The following CCSER2 variants were observed in gnomAD, a reference collection of about 807,000 sequenced individuals.
CCSER2 encodes the protein coiled-coil serine rich protein 2, also known as serine-rich coiled-coil domain-containing protein 2.
A neutral mutation model predicts 92.3 loss-of-function variants in CCSER2; 46 were observed. The ratio of observed to expected loss-of-function variants is 0.50; its 90% CI spans 0.39 to 0.64. The LOEUF (loss-of-function observed/expected upper bound fraction) is 0.64, where lower values mean the gene tolerates loss of function less well. Ranked by LOEUF, CCSER2 falls within the 30% of genes least tolerant of loss-of-function variation. The probability of loss-of-function intolerance (pLI) is 0.00; values close to 1 mark genes in which losing one functional copy is unlikely to be tolerated. For missense variants in CCSER2, 1,244 were observed against 1,238.9 expected (o/e 1.00, Z -0.06); for synonymous variants, 433 against 431.4 (o/e 1.00, Z -0.04).
chr10:84,414,538 C>A (rs1336846160), intron 3 of CCSER2, among the ~76,000 whole-genome samples: 1 of 151,976 alleles, frequency 6.6e-6, no homozygotes, highest in African/African-American at 2.4e-5. Flanking sequence ...GATTGGCTTT[C>A]CTTTGTAGAT....
chr10:84,383,013 G>C (rs978450604), intron 3 of CCSER2, among the ~76,000 whole-genome samples: 1 of 152,170 alleles, frequency 6.6e-6, no homozygotes, highest in African/African-American at 2.4e-5. Flanking sequence ...GATACAGCTA[G>C]ACTTTATTGA....
intron 4 of CCSER2, among the ~76,000 whole-genome samples, chr10:84,420,597 T>G (rs1843090902): frequency 6.6e-6 from 1 of 152,066 alleles, no homozygotes; most frequent in Non-Finnish European, 1.5e-5. Context: ...TTTTAGTCCT[T>G]TATAGCTTCT....
chr10:84,370,994 C>A lies in CCSER2; in HGVS notation c.-39-20C>A. On this transcript the variant is annotated intron_variant, in intron 1 of 9. Transcript: ENST00000372088. Reference sequence around the variant, plus strand: ...TCCTTATTTAGGAATGTTTAATGTACTTCTTTTTTCTCTTCACAGATTCTT... The same window carrying A: ...TCCTTATTTAGGAATGTTTAATGTAATTCTTTTTTCTCTTCACAGATTCTT... The A allele has an allele frequency of 1.8e-6, 2 of 1,083,980 alleles. No individual in the cohort carries two copies. Among genetic ancestry groups the A allele is most frequent in the Non-Finnish European group, 2.6e-6 (2 of 765,284 alleles). 67.1% of individuals were successfully genotyped at this position (1,083,980 alleles called of 1,614,324 possible). A position where few individuals can be genotyped will look rare whatever the true frequency, so the allele number is the denominator to read the frequency against.
chr10:84,347,593 G>T (rs1163817539), intron 1 of CCSER2, among the ~76,000 whole-genome samples: 1 of 151,688 alleles, frequency 6.6e-6, no homozygotes, highest in South Asian at 2.1e-4. Context: ...CTGGCCTGGC[G>T]GGGGCTGACC....
chr10:84,384,342 A>G (rs1337511367), intron 3 of CCSER2, among the ~76,000 whole-genome samples: 1 of 152,244 alleles, frequency 6.6e-6, no homozygotes, highest in African/African-American at 2.4e-5. Flanking sequence ...ACTACTGGCC[A>G]GTATCCTTGA....
At chr10:84,361,308 C>T (rs899115322) in intron 1 of CCSER2, among the ~76,000 whole-genome samples, 5 of 152,178 alleles carry the variant, frequency 3.3e-5, no homozygotes, top group Admixed American at 6.5e-5. Context: ...TTAAATGTCC[C>T]GTCTCTCCTG....
intron 1 of CCSER2, among the ~76,000 whole-genome samples, chr10:84,368,714 A>C (rs1355283795): frequency 2.0e-5 from 3 of 152,036 alleles, no homozygotes; most frequent in African/African-American, 7.3e-5. Flanking sequence ...GGAACAGGTG[A>C]TTTTTGGCTG....
intron 4 of CCSER2, among the ~76,000 whole-genome samples, chr10:84,423,594 A>G (rs1843264764): frequency 6.6e-6 from 1 of 152,196 alleles, no homozygotes; most frequent in African/African-American, 2.4e-5. Flanking sequence ...ATATCATTCA[A>G]ATAACCTATC....
At chr10:84,354,596 A>G (rs933668544) in intron 1 of CCSER2, among the ~76,000 whole-genome samples, 17 of 120,718 alleles carry the variant, frequency 1.4e-4, no homozygotes, top group African/African-American at 5.2e-4. Context: ...TGGTGATACC[A>G]GGACTGTGCC....
chr10:84,441,462 C>T (rs1844529744), intron 6 of CCSER2, among the ~76,000 whole-genome samples: 1 of 151,992 alleles, frequency 6.6e-6, no homozygotes, highest in Non-Finnish European at 1.5e-5. Flanking sequence ...TATTCTTTCT[C>T]TTTTTAAATG....
At chr10:84,385,853 C>G (rs912845723) in intron 3 of CCSER2, among the ~76,000 whole-genome samples, 1 of 151,126 alleles carries the variant, frequency 6.6e-6, no homozygotes, top group African/African-American at 2.4e-5. Flanking sequence ...GAAAAATGAC[C>G]AGTATTCAGA....
intron 9 of CCSER2, among the ~76,000 whole-genome samples, chr10:84,496,928 A>ACTTCTATTTTAC (rs1848486410): frequency 6.6e-6 from 1 of 152,180 alleles, no homozygotes; most frequent in South Asian, 2.1e-4. Flanking sequence ...ACAGCAGGAA[A>ACTTCTATTTTAC]AGGGAGAAGT....
chr10:84,373,891 G>T (rs1386879855), intron 3 of CCSER2, 76 bp downstream of exon 3: 3 of 1,576,290 alleles, frequency 1.9e-6, no homozygotes, highest in Non-Finnish European at 2.6e-6. Context: ...GATTGATTTT[G>T]TAAAAAATTT....
chr10:84,425,858 C>T lies in CCSER2; in HGVS notation c.1833C>T (p.Asp611=), dbSNP rs1843405191. Residue 611 remains aspartate (D), a synonymous_variant, in exon 5 of 10, where the codon GAC becomes GAT. Coordinates refer to ENST00000372088, the MANE Select transcript of CCSER2 (RefSeq NM_001284240.2). Reference sequence around the variant, plus strand: ...AGCATTACCACCTCAGCCACCCTGACCACTATCATCACCATGGAAAAAGTG... The same window carrying T: ...AGCATTACCACCTCAGCCACCCTGATCACTATCATCACCATGGAAAAAGTG... The part of the protein sequence containing the change: ...GQEHYHLSHP[D]HYHHHGKSDL... 1 of 1,611,050 alleles carries T rather than the reference C, an allele frequency of 6.2e-7. No homozygotes were observed. The highest frequency in any genetic ancestry group is 1.7e-5 in the Admixed American group (1 of 59,610).
chr10:84,400,873 C>T lies in CCSER2; in HGVS notation c.1615-16898C>T, dbSNP rs1842082683. On this transcript the variant is annotated intron_variant, in intron 3 of 9. Transcript: ENST00000372088. Reference sequence around the variant, plus strand: ...CAGTTGCAATGAGTGGAGATCGTGCCACTGCACTCCACTTGGGCAACAAAA... The same window carrying T: ...CAGTTGCAATGAGTGGAGATCGTGCTACTGCACTCCACTTGGGCAACAAAA... Among the ~76,000 whole-genome samples, 12 of 151,934 alleles carry T rather than the reference C, an allele frequency of 7.9e-5. 1 individual carries two copies. The South Asian group carries it at 2.5e-3, about 31-fold the overall frequency.
intron 6 of CCSER2, chr10:84,455,747 T>A: frequency 1.9e-6 from 2 of 1,033,828 alleles, no homozygotes; most frequent in South Asian, 2.5e-5. Context: ...CACCTGCACA[T>A]TCTCAGAGGG....
At chr10:84,374,816 A>G (rs1192108794) in intron 3 of CCSER2, among the ~76,000 whole-genome samples, 1 of 152,218 alleles carries the variant, frequency 6.6e-6, no homozygotes, top group Non-Finnish European at 1.5e-5. Flanking sequence ...GTATGGGAAA[A>G]TTGGTAGTCT....
At chr10:84,402,724 C>T (rs59748809) in intron 3 of CCSER2, among the ~76,000 whole-genome samples, 30 of 152,258 alleles carry the variant, frequency 2.0e-4, no homozygotes, top group African/African-American at 6.7e-4. Flanking sequence ...CTCCTAAATT[C>T]GAGAACAAGA....
chr10:84,421,959 T>G (rs1302968609), intron 4 of CCSER2, among the ~76,000 whole-genome samples: 1 of 152,198 alleles, frequency 6.6e-6, no homozygotes, highest in African/African-American at 2.4e-5. Flanking sequence ...GTTCAGATTC[T>G]CTGTAGTATT....
Sources: gnomAD v4.1 joint callset for allele counts (sites outside exome capture counted in the v4.1 genomes callset) on GRCh38, gnomAD v4.1.1 for gene constraint, MANE v1.5 for transcripts, NCBI Gene and HGNC (gene_info 2026-07-23, HGNC 2026-07-21) for gene names.